TRHDE: variants seen among roughly 807,000 people sequenced by gnomAD.
TRHDE encodes the protein thyrotropin-releasing hormone-degrading ectoenzyme.
In TRHDE, 72 loss-of-function variants were observed where a neutral mutation model predicts 125.7. The observed-to-expected ratio is 0.57, with a 90% CI of 0.47 to 0.70. The LOEUF (loss-of-function observed/expected upper bound fraction) is 0.70. Among genes scored for constraint, TRHDE ranks in the 30% least tolerant of loss-of-function variants. The pLI is 0.00. For synonymous variants in TRHDE, 509 were observed against 509.1 expected, an observed-to-expected ratio of 1.00 and a Z score of 0.00; for missense variants, 1,110 against 1,327.1, an observed-to-expected ratio of 0.84 and a Z score of 2.54.
At chr12:72,619,246 A>G (rs1021648017) in intron 13 of TRHDE, among the ~76,000 whole-genome samples, 13 of 152,184 alleles carry the variant, frequency 8.5e-5, no homozygotes, top group Non-Finnish European at 1.5e-4. Context: ...AAAAGTGTCA[A>G]TTAAGCTTAA....
intron 2 of TRHDE, among the ~76,000 whole-genome samples, chr12:72,242,869 G>GT (rs1265900232): frequency 1.3e-5 from 2 of 152,124 alleles, no homozygotes; most frequent in African/African-American, 2.4e-5. Context: ...AACCAAAATC[G>GT]TAACACCCCA....
At chr12:72,299,987 C>T (rs1034679005) in intron 2 of TRHDE, among the ~76,000 whole-genome samples, 9 of 152,058 alleles carry the variant, frequency 5.9e-5, no homozygotes, top group African/African-American at 1.2e-4. Context: ...GAGTTTTCTT[C>T]GTGAGAGGAA....
At chr12:72,231,631 TA>T (rs952195005) in intron 2 of TRHDE, among the ~76,000 whole-genome samples, 2 of 151,978 alleles carry the variant, frequency 1.3e-5, no homozygotes, top group African/African-American at 4.8e-5. Flanking sequence ...TGGTTACTTC[TA>T]AAAAAAACTA....
At chr12:72,278,815 T>G (rs1879588464) in intron 1 of TRHDE, among the ~76,000 whole-genome samples, 1 of 152,244 alleles carries the variant, frequency 6.6e-6, no homozygotes, top group Admixed American at 6.5e-5. Context: ...ATTGAGTTGT[T>G]TGATTTCATT....
chr12:72,625,764 G>A (rs980035654), intron 15 of TRHDE, among the ~76,000 whole-genome samples: 3 of 151,868 alleles, frequency 2.0e-5, no homozygotes, highest in African/African-American at 7.2e-5. Context: ...AGGTGGTAGA[G>A]CTGGACTTCT....
At chr12:72,659,296 A>G (rs564808608) in intron 18 of TRHDE, among the ~76,000 whole-genome samples, 1 of 152,254 alleles carries the variant, frequency 6.6e-6, no homozygotes, top group East Asian at 1.9e-4. Context: ...TCATAAGGCA[A>G]TCTGTTATTT....
In TRHDE at chr12:72,273,496, C is replaced by G. The variant is rs753202994; in HGVS notation, c.853C>G (p.Leu285Val). ...NYNLKIIYNA[L>V]IENELLGFFR... ...CAATCTGAAGATTATCTACAACGCG[C>G]TCATCGAGAATGAGCTCCTGGGCTT... The change falls in exon 1 of 19, where the codon CTC (leucine) becomes GTC (valine). Residue 285 changes from leucine to valine, a missense_variant. Around this residue, in one of 5 missense-constraint regions of TRHDE, gnomAD observed 252 missense variants for 274.8 expected, o/e 0.92. Coordinates refer to ENST00000261180, the MANE Select transcript of TRHDE (RefSeq NM_013381.3). The surrounding 1 kb of genome is among the most constrained non-coding windows in gnomAD (Gnocchi z 5.3). 6.2e-7 allele frequency: 1 copy of G among 1,611,852 alleles called. No individual in the cohort carries two copies. The highest frequency in any genetic ancestry group is 1.1e-5 in the South Asian group (1 of 91,092).
Position 72,622,284 on chromosome 12 carries a change from G to A in TRHDE, c.2675+533G>A, listed in dbSNP as rs543998090. 2.6e-5 allele frequency among the ~76,000 whole-genome samples: 4 copies of A among 151,878 alleles called. No homozygotes were observed. In the East Asian group the frequency reaches 7.7e-4, roughly 29 times the overall value. ...TGCAATATAGTATTTTAATATATGA[G>A]GTTAAAATTGTTTAATTAAATTACT... On this transcript the variant is annotated intron_variant, in intron 15 of 18. Transcript: ENST00000261180.
intron 6 of TRHDE, among the ~76,000 whole-genome samples, chr12:72,534,742 C>T (rs1265449527): frequency 6.6e-6 from 1 of 151,938 alleles, no homozygotes; most frequent in Non-Finnish European, 1.5e-5. Context: ...TTAATGGTGG[C>T]AGTATAGCTG....
At chr12:72,121,202 C>A (rs1875573768) in intron 2 of TRHDE, among the ~76,000 whole-genome samples, 1 of 152,032 alleles carries the variant, frequency 6.6e-6, no homozygotes, top group South Asian at 2.1e-4. Context: ...TCGTTAATGT[C>A]CTTTTCTTTC....
At chr12:72,108,208 G>A in intron 2 of TRHDE, among the ~76,000 whole-genome samples, 1 of 152,060 alleles carries the variant, frequency 6.6e-6, no homozygotes, top group African/African-American at 2.4e-5. Flanking sequence ...GTTGATTGTA[G>A]GGCAGCAAAA....
At chr12:72,516,962 A>G (rs1336810523) in intron 6 of TRHDE, among the ~76,000 whole-genome samples, 12 of 152,192 alleles carry the variant, frequency 7.9e-5, no homozygotes, top group Non-Finnish European at 8.8e-5. Context: ...ATTTGCATAT[A>G]TTGAACCAGC....
intron 2 of TRHDE, among the ~76,000 whole-genome samples, chr12:72,170,209 A>G (rs187090321): frequency 1.3e-5 from 2 of 152,302 alleles, no homozygotes; most frequent in African/African-American, 4.8e-5. Flanking sequence ...TCTTAAAGTG[A>G]TGACTTCTGA....
chr12:72,300,858 A>G (rs1347419089), intron 2 of TRHDE, among the ~76,000 whole-genome samples: 1 of 152,128 alleles, frequency 6.6e-6, no homozygotes, highest in Non-Finnish European at 1.5e-5. Context: ...TGACAAAAAA[A>G]TAGAAGTGAA....
At chr12:72,183,372 A>G (rs1270365862) in intron 2 of TRHDE, among the ~76,000 whole-genome samples, 1 of 152,220 alleles carries the variant, frequency 6.6e-6, no homozygotes, top group African/African-American at 2.4e-5. Flanking sequence ...TGTGATAAGG[A>G]GCACTTAGTA....
chr12:72,511,188 G>C (rs1878567298), intron 6 of TRHDE, among the ~76,000 whole-genome samples: 2 of 151,948 alleles, frequency 1.3e-5, no homozygotes, highest in Non-Finnish European at 2.9e-5. Flanking sequence ...AATTAAATTG[G>C]AGAACTACTG....
chr12:72,536,250 T>C (rs1421542295), intron 6 of TRHDE, among the ~76,000 whole-genome samples: 1 of 152,158 alleles, frequency 6.6e-6, no homozygotes, highest in East Asian at 1.9e-4. Context: ...TAATTTACAC[T>C]TGTGTGGACT....
chr12:72,163,830 G>A (rs115474258), intron 2 of TRHDE, among the ~76,000 whole-genome samples: 5,261 of 152,270 alleles, frequency 0.035, 167 homozygotes, highest in African/African-American at 0.082. Flanking sequence ...TACTCAAATC[G>A]GCAGAGCGCG....
rs1307921952 is a variant in TRHDE, at chr12:72,272,976, C to G, written c.333C>G (p.Asp111Glu). 1 of 1,561,072 alleles carries G rather than the reference C, an allele frequency of 6.4e-7. No individual in the cohort carries two copies. The highest frequency in any genetic ancestry group is 2.3e-5 in the East Asian group (1 of 42,764). Residue 111 changes from aspartate (D) to glutamate (E), a missense_variant, in exon 1 of 19, where the codon GAC (aspartate) becomes GAG (glutamate). Physicochemically the swap from Asp to Glu is conservative, Grantham distance 45. This residue lies in a region of TRHDE where 248 missense variants were observed against 240.8 expected (regional missense o/e 1.03). Transcript: ENST00000261180. The surrounding 1 kb of genome is among the most constrained non-coding windows in gnomAD (Gnocchi z 6.7). The stretch of plus-strand genomic sequence containing the variant: ...CTGTGCTGCTCAGCCTGCGCTTCGA[C>G]GAGTGCGGGGCGAGTGCCACGCCAG... ...MLAVLLSLRF[D>E]ECGASATPGA...
Sources: allele counts gnomAD v4.1 joint callset (sites outside exome capture counted in the v4.1 genomes callset), GRCh38; gene constraint gnomAD v4.1.1; regional missense constraint gnomAD v4.1.1; non-coding constraint Gnocchi (gnomAD v3.1); transcripts MANE v1.5; gene names NCBI Gene and HGNC (gene_info 2026-07-23, HGNC 2026-07-21).